The following ZNF423 variants were observed in gnomAD, a reference collection of about 807,000 sequenced individuals.
ZNF423 encodes the protein zinc finger protein 423.
In ZNF423, 12 loss-of-function variants were observed where a neutral mutation model predicts 95.8. That is an observed-to-expected ratio of 0.13 (90% CI 0.08 to 0.20). The LOEUF (loss-of-function observed/expected upper bound fraction) is 0.20. Ranked by LOEUF, ZNF423 falls within the 10% of genes least tolerant of loss-of-function variation. ZNF423 has a pLI of 1.00. For missense variants in ZNF423, 1,316 were observed against 1,737.1 expected (o/e 0.76, Z 4.31); for synonymous variants, 749 against 711.9 (o/e 1.05, Z -0.83).
intron 3 of ZNF423, among the ~76,000 whole-genome samples, chr16:49,689,428 G>A (rs183729619): frequency 1.3e-4 from 20 of 152,100 alleles, no homozygotes; most frequent in Non-Finnish European, 2.2e-4. Flanking sequence ...CTCCAGCCTC[G>A]GCGACAGAGA....
intron 5 of ZNF423, among the ~76,000 whole-genome samples, chr16:49,552,957 A>T (rs1030411440): frequency 3.9e-5 from 6 of 152,168 alleles, no homozygotes; most frequent in African/African-American, 1.4e-4. Context: ...TGCAAGCAAG[A>T]ACAAACAGGA....
intron 1 of ZNF423, among the ~76,000 whole-genome samples, chr16:49,829,025 C>T (rs140406302): frequency 8.4e-4 from 128 of 152,296 alleles, no homozygotes; most frequent in African/African-American, 2.9e-3. Context: ...CAGAGCAAGC[C>T]GTTTTCTCCT....
intron 1 of ZNF423, among the ~76,000 whole-genome samples, chr16:49,793,332 A>G (rs732156): frequency 0.77 from 116,696 of 152,042 alleles, 45,624 homozygotes; most frequent in African/African-American, 0.92. Context: ...GCGAGCCCCC[A>G]ACATCCCTAA....
chr16:49,529,722 C>T (rs1458639404), intron 5 of ZNF423, among the ~76,000 whole-genome samples: 1 of 152,028 alleles, frequency 6.6e-6, no homozygotes, highest in East Asian at 1.9e-4. Flanking sequence ...TCAGGTGGGC[C>T]CCACTGATGT....
At chr16:49,831,762 G>A (rs2035063411) in intron 1 of ZNF423, among the ~76,000 whole-genome samples, 1 of 152,148 alleles carries the variant, frequency 6.6e-6, no homozygotes, top group African/African-American at 2.4e-5. Flanking sequence ...AGGCCAGGGT[G>A]GGCAGATCAT....
Position 49,667,819 on chromosome 16 carries a change from G to A in ZNF423, c.302-28945C>T, listed in dbSNP as rs189471962. 7.4e-4 allele frequency among the ~76,000 whole-genome samples: 113 copies of A among 152,352 alleles called. 2 individuals carry two copies. The Middle Eastern group carries it at 0.01, about 14-fold the overall frequency. On this transcript the variant is annotated intron_variant, in intron 3 of 7. Coordinates refer to ENST00000563137, the MANE Select transcript of ZNF423 (RefSeq NM_001379286.1). ...GGGGATCACTTGAGCCCAGGAACTTGAGGCTGCAGTGAGCTATGACTGCAC... is the reference window on the plus strand; with the variant it reads ...GGGGATCACTTGAGCCCAGGAACTTAAGGCTGCAGTGAGCTATGACTGCAC...
intron 5 of ZNF423, among the ~76,000 whole-genome samples, chr16:49,608,107 C>T (rs1971597332): frequency 6.6e-6 from 1 of 152,246 alleles, no homozygotes; most frequent in Non-Finnish European, 1.5e-5. Context: ...ACTATGAGTG[C>T]ACCCATCTGA....
intron 5 of ZNF423, among the ~76,000 whole-genome samples, chr16:49,582,150 A>G (rs917668851): frequency 1.3e-5 from 2 of 152,208 alleles, no homozygotes; most frequent in Non-Finnish European, 2.9e-5. Context: ...CCCATTCTCC[A>G]ACTGCAGAAC....
At chr16:49,737,268 T>C (rs2033309394) in intron 2 of ZNF423, among the ~76,000 whole-genome samples, 1 of 148,874 alleles carries the variant, frequency 6.7e-6, no homozygotes, top group Non-Finnish European at 1.5e-5. Flanking sequence ...CTCTAGATCC[T>C]GACTCTTTTT....
chr16:49,555,552 C>A (rs1391167567), intron 5 of ZNF423, among the ~76,000 whole-genome samples: 11 of 152,220 alleles, frequency 7.2e-5, no homozygotes, highest in Non-Finnish European at 1.6e-4. Context: ...GAAGGTAGGA[C>A]ATTAATTCAA....
chr16:49,846,290 ACT>A (rs2035244917), intron 1 of ZNF423, among the ~76,000 whole-genome samples: 1 of 122,264 alleles, frequency 8.2e-6, no homozygotes, highest in Admixed American at 9.7e-5. Context: ...ACAGAGCAAG[ACT>A]CTGTCTCAAA....
chr16:49,769,772 C>A (rs1255934117), intron 2 of ZNF423, among the ~76,000 whole-genome samples: 1 of 149,786 alleles, frequency 6.7e-6, no homozygotes, highest in East Asian at 2.0e-4. Context: ...CATTTCACAC[C>A]CCCGTCTCCC....
At chr16:49,629,406 C>A (rs1972418462) in intron 4 of ZNF423, among the ~76,000 whole-genome samples, 1 of 152,138 alleles carries the variant, frequency 6.6e-6, no homozygotes, top group Admixed American at 6.5e-5. Context: ...CCTACCTGTT[C>A]TCTGTTCCTA....
At chr16:49,524,726 C>G (rs557806705) in intron 6 of ZNF423, among the ~76,000 whole-genome samples, 7 of 152,316 alleles carry the variant, frequency 4.6e-5, no homozygotes, top group African/African-American at 1.7e-4. Flanking sequence ...GGCTTCCTGC[C>G]GTGGCAGACA....
intron 5 of ZNF423, among the ~76,000 whole-genome samples, chr16:49,575,679 G>A (rs1026093478): frequency 9.2e-5 from 14 of 152,198 alleles, no homozygotes; most frequent in African/African-American, 1.9e-4. Flanking sequence ...TGCTACCTCC[G>A]GCAGCATTTG....
intron 7 of ZNF423, among the ~76,000 whole-genome samples, chr16:49,523,366 C>T (rs576498164): frequency 6.6e-6 from 1 of 152,362 alleles, no homozygotes; most frequent in East Asian, 1.9e-4. Flanking sequence ...GCAGACAGGA[C>T]TTGCCACGAA....
chr16:49,684,868 G>A (rs2031501844), intron 3 of ZNF423, among the ~76,000 whole-genome samples: 2 of 152,198 alleles, frequency 1.3e-5, no homozygotes, highest in Non-Finnish European at 2.9e-5. Flanking sequence ...CAGCTGGAGT[G>A]TGTGAGGGCT....
At chr16:49,624,019 G>A (rs892005065) in intron 5 of ZNF423, among the ~76,000 whole-genome samples, 1 of 152,180 alleles carries the variant, frequency 6.6e-6, no homozygotes, top group African/African-American at 2.4e-5. Flanking sequence ...TGGTGGGGGC[G>A]TTAAGTCCAT....
At chr16:49,771,219 G>A (rs1222183131) in intron 2 of ZNF423, among the ~76,000 whole-genome samples, 1 of 125,914 alleles carries the variant, frequency 7.9e-6, no homozygotes, top group African/African-American at 3.0e-5. Context: ...TTTTGAGAAG[G>A]AGTCTCACTC....
Sources: gnomAD v4.1 joint callset for allele counts (sites outside exome capture counted in the v4.1 genomes callset) on GRCh38, gnomAD v4.1.1 for gene constraint, MANE v1.5 for transcripts, NCBI Gene and HGNC (gene_info 2026-07-23, HGNC 2026-07-21) for gene names.